The following TAGLN variants were observed in gnomAD, a reference collection of about 807,000 sequenced individuals.
The protein encoded by TAGLN is transgelin.
Under a neutral mutation model 21.9 loss-of-function variants are expected in TAGLN, and 16 were observed. The observed-to-expected ratio is 0.73, with a 90% CI of 0.49 to 1.11. TAGLN has a LOEUF of 1.11. Ranked by LOEUF, TAGLN falls within the 50% of genes least tolerant of loss-of-function variation. TAGLN has a pLI of 0.00. For synonymous variants in TAGLN, 96 were observed against 94.9 expected (o/e 1.01, Z -0.06); for missense variants, 248 against 263.2 (o/e 0.94, Z 0.40).
chr11:117,202,532 G>C (rs1297844363), intron 1 of TAGLN: 1 of 152,306 alleles, frequency 6.6e-6, no homozygotes, highest in Non-Finnish European at 1.5e-5. Flanking sequence ...CTTCTGGAAG[G>C]TCTCTCCAGT....
Position 117,205,653 on chromosome 11 carries a change from C to T in TAGLN, c.*1294C>T. ...CGCTCCTGGCTATGGCAGGCACCTTCTCAACTTATATGTGGGAAGGGGTCC... is the reference window on the plus strand; with the variant it reads ...CGCTCCTGGCTATGGCAGGCACCTTTTCAACTTATATGTGGGAAGGGGTCC... On this transcript the variant is annotated 3_prime_UTR_variant, in exon 5 of 5. Transcript: ENST00000392951. The T allele has an allele frequency of 3.7e-6, 1 of 267,676 alleles. No homozygotes were observed. Among genetic ancestry groups the T allele is most frequent in the East Asian group, 5.6e-5 (1 of 17,758 alleles). 16.6% of individuals were successfully genotyped at this position (267,676 alleles called of 1,614,324 possible).
In TAGLN at chr11:117,206,223, C is replaced by T. The variant is rs473093; in HGVS notation, c.*1864C>T. On this transcript the variant is annotated 3_prime_UTR_variant, in exon 5 of 5. Coordinates refer to ENST00000392951, the MANE Select transcript of TAGLN (RefSeq NM_003186.5). ...CTCTGTCCCTTCCTCCTTGGCTTTC[C>T]GGCTCCGATGGGGCCAGTGGCAGGG... 2.5e-4 allele frequency: 397 copies of T among 1,613,532 alleles called. 2 individuals are homozygous for T. Among genetic ancestry groups the T allele is most frequent in the African/African-American group, 1.6e-3 (123 of 74,942 alleles).
chr11:117,204,359 G>C lies in TAGLN; in HGVS notation c.606G>C (p.Ter202TyrextTer5), dbSNP rs547690303. 3.1e-6 allele frequency: 5 copies of C among 1,614,120 alleles called. No homozygotes were observed. Among genetic ancestry groups the C allele is most frequent in the Non-Finnish European group, 4.2e-6 (5 of 1,180,046 alleles). ...GACGACCTCGGCAGATCATCAGTTA[G>C]AGCGGAGAGGGCTAGCCCTGAGCCC... Reference protein sequence around the residue: ...GYGRPRQIIS* With the variant: ...GYGRPRQIISY The change falls in exon 5 of 5, where the codon TAG (stop) becomes TAC (tyrosine). Residue 202 changes from the stop codon to tyrosine (Y), a stop_lost. Coordinates refer to ENST00000392951, the MANE Select transcript of TAGLN (RefSeq NM_003186.5).
chr11:117,203,872 A>G lies in TAGLN; in HGVS notation c.449A>G (p.Asn150Ser). The G allele has an allele frequency of 6.2e-7, 1 of 1,613,912 alleles. No individual in the cohort carries two copies. Among genetic ancestry groups the G allele is most frequent in the Non-Finnish European group, 8.5e-7 (1 of 1,179,872 alleles). ...KNDGHYRGDPNWFMKKAQEHK... is the reference protein window; with the variant it reads ...KNDGHYRGDPSWFMKKAQEHK... ...GATGGGCACTACCGTGGAGATCCCA[A>G]CTGGTTTATGAAGTATGTGGCCCCC... The change falls in exon 4 of 5, where the codon AAC becomes AGC. Residue 150 changes from asparagine to serine, a missense_variant. Asn to Ser is a conservative substitution (Grantham distance 46). Coordinates refer to ENST00000392951, the MANE Select transcript of TAGLN (RefSeq NM_003186.5). The surrounding 1 kb of genome is among the most constrained non-coding windows in gnomAD (Gnocchi z 4.4).
In TAGLN at chr11:117,203,216, G is replaced by A; in HGVS notation, c.180+23G>A. ...GTGGTGAGTGGCACCCTGGGCTAGG[G>A]CGCTGGGGGGCTGGGGTGTGCCACC... On this transcript the variant is annotated intron_variant, in intron 2 of 4. Coordinates refer to ENST00000392951, the MANE Select transcript of TAGLN (RefSeq NM_003186.5). This position sits in a 1 kb window ranked among gnomAD's most constrained non-coding sequence, Gnocchi z 4.4. The A allele has an allele frequency of 6.3e-7, 1 of 1,592,750 alleles. No individual in the cohort carries two copies. The highest frequency in any genetic ancestry group is 8.6e-7 in the Non-Finnish European group (1 of 1,166,210).
rs1232082958 is a variant in TAGLN, at chr11:117,203,588, G to A, written c.358+104G>A. 8 of 1,377,826 alleles carry A rather than the reference G, an allele frequency of 5.8e-6. No homozygotes were observed. The highest frequency in any genetic ancestry group is 1.9e-5 in the Admixed American group (1 of 51,636). The allele number at this position is 1,377,826 out of a possible 1,614,324, so 85.4% of individuals were successfully genotyped here. A position where few individuals can be genotyped will look rare whatever the true frequency, so the allele number is the denominator to read the frequency against. ...GCCACAACTAGGGGTGTGCTTGCCC[G>A]CACACAGCAGGGATGGGATATGCCG... On this transcript the variant is annotated intron_variant, in intron 3 of 4. Transcript: ENST00000392951. This position sits in a 1 kb window ranked among gnomAD's most constrained non-coding sequence, Gnocchi z 4.4.
At chr11:117,200,499 T>TG (rs1185778662) in intron 1 of TAGLN, among the ~76,000 whole-genome samples, 2 of 152,024 alleles carry the variant, frequency 1.3e-5, no homozygotes, top group African/African-American at 2.4e-5. Context: ...GAGATGCCCC[T>TG]GGGGGGGCCG....
chr11:117,203,584 G>A lies in TAGLN; in HGVS notation c.358+100G>A. The A allele has an allele frequency of 1.4e-6, 2 of 1,413,318 alleles. No individual in the cohort carries two copies. The highest frequency in any genetic ancestry group is 1.4e-5 in the African/African-American group (1 of 70,630). The allele number at this position is 1,413,318 out of a possible 1,614,324, so 87.5% of individuals were successfully genotyped here. On this transcript the variant is annotated intron_variant, in intron 3 of 4. Coordinates refer to ENST00000392951, the MANE Select transcript of TAGLN (RefSeq NM_003186.5). This position sits in a 1 kb window ranked among gnomAD's most constrained non-coding sequence, Gnocchi z 4.4. Reference sequence around the variant, plus strand: ...ATATGCCACAACTAGGGGTGTGCTTGCCCGCACACAGCAGGGATGGGATAT... The same window carrying A: ...ATATGCCACAACTAGGGGTGTGCTTACCCGCACACAGCAGGGATGGGATAT...
rs531348646 is a variant in TAGLN, at chr11:117,204,098, G to GA, written c.462-110dup. The GA allele has an allele frequency of 3.0e-3, 4,508 of 1,487,106 alleles. 7 individuals are homozygous for GA. The highest frequency in any genetic ancestry group is 3.6e-3 in the Non-Finnish European group (3,945 of 1,094,350). The allele number at this position is 1,487,106 out of a possible 1,614,324, so 92.1% of individuals were successfully genotyped here. On this transcript the variant is annotated intron_variant, in intron 4 of 4. Transcript: ENST00000392951. The stretch of plus-strand genomic sequence containing the variant: ...AGCCTATGAGGCAAGCTAGATTAGG[G>GA]AAAAAAAGTGCAACAGGAAGGCAAT...
At chr11:117,204,167 A>G (rs764335596) in intron 4 of TAGLN, 48 bp from the exon 5 acceptor site, 1 of 1,610,672 alleles carries the variant, frequency 6.2e-7, no homozygotes, top group African/African-American at 1.3e-5. Context: ...AAACGGGTGG[A>G]AAACACACAG....
rs769786963 is a variant in TAGLN at position 117,204,440 on chromosome 11, C to T, written c.*81C>T. The T allele has an allele frequency of 2.5e-6, 4 of 1,596,808 alleles. No individual in the cohort carries two copies. In the South Asian group the frequency reaches 4.5e-5, roughly 18 times the overall value. ...TCCCGCTTAGCCTGCCTCACCCACA[C>T]CCGTGTGGTACCTTCAGCCCTGGCC... On this transcript the variant is annotated 3_prime_UTR_variant, in exon 5 of 5. Coordinates refer to ENST00000392951, the MANE Select transcript of TAGLN (RefSeq NM_003186.5).
At position 117,199,372 on chromosome 11, in the gene TAGLN, C is replaced by T. The variant is rs182357785; in HGVS notation, c.-73C>T. Reference sequence around the variant, plus strand: ...ACCCCTCACCCAGCCAGCGCCCCATCCTGTCTGTCCGAACCCAGACACAAG... The same window carrying T: ...ACCCCTCACCCAGCCAGCGCCCCATTCTGTCTGTCCGAACCCAGACACAAG... On this transcript the variant is annotated 5_prime_UTR_variant, in exon 1 of 5. Coordinates refer to ENST00000392951, the MANE Select transcript of TAGLN (RefSeq NM_003186.5). The T allele has an allele frequency of 2.8e-3, 425 of 152,480 alleles. 2 individuals carry two copies. Among genetic ancestry groups the T allele is most frequent in the Non-Finnish European group, 4.3e-3 (290 of 68,128 alleles). 9.4% of individuals were successfully genotyped at this position (152,480 alleles called of 1,614,324 possible).
chr11:117,203,570 C>G lies in TAGLN; in HGVS notation c.358+86C>G, dbSNP rs529660606. On this transcript the variant is annotated intron_variant, in intron 3 of 4. Coordinates refer to ENST00000392951, the MANE Select transcript of TAGLN (RefSeq NM_003186.5). This position sits in a 1 kb window ranked among gnomAD's most constrained non-coding sequence, Gnocchi z 4.4. The stretch of plus-strand genomic sequence containing the variant: ...AGGGAATGACCAGAATATGCCACAA[C>G]TAGGGGTGTGCTTGCCCGCACACAG... The G allele has an allele frequency of 2.7e-6, 4 of 1,503,258 alleles. No individual in the cohort carries two copies. In the East Asian group the frequency reaches 6.9e-5, roughly 26 times the overall value. The allele number at this position is 1,503,258 out of a possible 1,614,324, so 93.1% of individuals were successfully genotyped here.
chr11:117,200,815 A>G (rs975716516), intron 1 of TAGLN, among the ~76,000 whole-genome samples: 15 of 152,066 alleles, frequency 9.9e-5, no homozygotes, highest in Non-Finnish European at 1.9e-4. Flanking sequence ...AGCTGGGGGT[A>G]GGGGACACAC....
rs1467163600 is a variant in TAGLN, at chr11:117,205,607, AGTGAT to A, written c.*1251_*1255del. ...CGAAGTCCTCTTCCCAAGTGACCCC[AGTGAT>A]GTTTCCATTGAGATGCGCTCCTGGC... On this transcript the variant is annotated 3_prime_UTR_variant, in exon 5 of 5. Transcript: ENST00000392951. 1 of 244,202 alleles carries A rather than the reference AGTGAT, an allele frequency of 4.1e-6. No individual in the cohort carries two copies. The highest frequency in any genetic ancestry group is 5.5e-5 in the Admixed American group (1 of 18,132). 15.1% of individuals were successfully genotyped at this position (244,202 alleles called of 1,614,324 possible).
rs529660606 is a variant in TAGLN at position 117,203,570 on chromosome 11, C to T, written c.358+86C>T. 1.4e-4 allele frequency: 217 copies of T among 1,503,376 alleles called. No homozygotes were observed. The Admixed American group carries it at 3.5e-3, about 24-fold the overall frequency. 93.1% of individuals were successfully genotyped at this position (1,503,376 alleles called of 1,614,324 possible). ...AGGGAATGACCAGAATATGCCACAA[C>T]TAGGGGTGTGCTTGCCCGCACACAG... On this transcript the variant is annotated intron_variant, in intron 3 of 4. Transcript: ENST00000392951. This position sits in a 1 kb window ranked among gnomAD's most constrained non-coding sequence, Gnocchi z 4.4.
Position 117,203,232 on chromosome 11 carries a change from G to T in TAGLN, c.180+39G>T, listed in dbSNP as rs779835947. Reference sequence around the variant, plus strand: ...TGGGCTAGGGCGCTGGGGGGCTGGGGTGTGCCACCCTGTGAGTCCTGGGCC... The same window carrying T: ...TGGGCTAGGGCGCTGGGGGGCTGGGTTGTGCCACCCTGTGAGTCCTGGGCC... On this transcript the variant is annotated intron_variant, in intron 2 of 4. Transcript: ENST00000392951. This position sits in a 1 kb window ranked among gnomAD's most constrained non-coding sequence, Gnocchi z 4.4. The T allele has an allele frequency of 1.9e-6, 3 of 1,595,974 alleles. No homozygotes were observed. The highest frequency in any genetic ancestry group is 2.6e-6 in the Non-Finnish European group (3 of 1,167,236).
chr11:117,200,742 C>G (rs1251813760), intron 1 of TAGLN, among the ~76,000 whole-genome samples: 1 of 152,104 alleles, frequency 6.6e-6, no homozygotes, highest in Non-Finnish European at 1.5e-5. Flanking sequence ...GCGTTGTGTA[C>G]CTGTCACCCT....
chr11:117,203,522 G>C lies in TAGLN; in HGVS notation c.358+38G>C, dbSNP rs781232698. The C allele has an allele frequency of 2.2e-5, 36 of 1,606,658 alleles. No homozygotes were observed. Among genetic ancestry groups the C allele is most frequent in the Non-Finnish European group, 3.0e-5 (35 of 1,174,540 alleles). On this transcript the variant is annotated intron_variant, in intron 3 of 4. Transcript: ENST00000392951. This position sits in a 1 kb window ranked among gnomAD's most constrained non-coding sequence, Gnocchi z 4.4. ...AGGCTGGGGGAGGAGGTGGGCAGGA[G>C]GACAGGGTGCTGGGACAGGGAGAGG...
Sources: allele counts gnomAD v4.1 joint callset (sites outside exome capture counted in the v4.1 genomes callset), GRCh38; gene constraint gnomAD v4.1.1; non-coding constraint Gnocchi (gnomAD v3.1); transcripts MANE v1.5; gene names NCBI Gene and HGNC (gene_info 2026-07-23, HGNC 2026-07-21).